The following DTNA variants were observed in gnomAD, a reference collection of about 807,000 sequenced individuals.
The protein encoded by DTNA is dystrobrevin alpha, also known as dystrophin-related protein 3.
A neutral mutation model predicts 100.7 loss-of-function variants in DTNA; 43 were observed. The ratio of observed to expected loss-of-function variants is 0.43; its 90% CI spans 0.33 to 0.55. The LOEUF is 0.55. DTNA is among the 20% of genes least tolerant of loss of function. DTNA has a pLI of 0.04. For synonymous variants in DTNA, 349 were observed against 347.9 expected (o/e 1.00, Z -0.04); for missense variants, 798 against 953.9 (o/e 0.84, Z 2.15).
At chr18:34,589,581 C>T (rs1354666485) in intron 1 of DTNA, among the ~76,000 whole-genome samples, 1 of 152,034 alleles carries the variant, frequency 6.6e-6, no homozygotes, top group Non-Finnish European at 1.5e-5. Context: ...TGTACTCCAG[C>T]CTGAGCAACA....
chr18:34,598,611 T>C (rs960405668), intron 1 of DTNA, among the ~76,000 whole-genome samples: 2 of 152,130 alleles, frequency 1.3e-5, no homozygotes, highest in Admixed American at 1.3e-4. Context: ...ACGCCTGTAA[T>C]TGAGCACTTT....
Position 34,619,069 on chromosome 18 carries a change from A to C in DTNA, c.-2+125555A>C, listed in dbSNP as rs560147245. 1.8e-4 allele frequency among the ~76,000 whole-genome samples: 27 copies of C among 152,338 alleles called. 1 individual carries two copies. The highest frequency in any genetic ancestry group is 1.3e-3 in the East Asian group (7 of 5,196). On this transcript the variant is annotated intron_variant, in intron 1 of 19. Coordinates refer to the DTNA transcript ENST00000283365. ...CAGATTTGCGTTTGTGTGTGCATGC[A>C]ATATGAGTGCAAAATAATATTCTGG...
chr18:34,558,538 G>A (rs1405510535), intron 1 of DTNA, among the ~76,000 whole-genome samples: 1 of 152,100 alleles, frequency 6.6e-6, no homozygotes, highest in Non-Finnish European at 1.5e-5. Context: ...ACATTCTACT[G>A]GAGGGAAAAT....
chr18:34,531,476 G>A (rs1337156174), intron 1 of DTNA, among the ~76,000 whole-genome samples: 1 of 152,082 alleles, frequency 6.6e-6, no homozygotes, highest in Admixed American at 6.5e-5. Context: ...GAAAGCAAAA[G>A]TATTTTACTC....
At chr18:34,585,495 A>G (rs28390214) in intron 1 of DTNA, among the ~76,000 whole-genome samples, 15,629 of 152,148 alleles carry the variant, frequency 0.1, 1,157 homozygotes, top group African/African-American at 0.21. Context: ...CCTAATTAGT[A>G]GTTTATCTAA....
At chr18:34,542,532 G>A (rs1218388666) in intron 1 of DTNA, among the ~76,000 whole-genome samples, 1 of 151,992 alleles carries the variant, frequency 6.6e-6, no homozygotes, top group Non-Finnish European at 1.5e-5. Context: ...AGTCTACACT[G>A]CCAAAGTGTT....
intron 1 of DTNA, among the ~76,000 whole-genome samples, chr18:34,508,290 G>A (rs565112099): frequency 6.6e-6 from 1 of 152,268 alleles, no homozygotes; most frequent in African/African-American, 2.4e-5. Context: ...CTTTTTAGGA[G>A]ATCTTGTCAC....
At chr18:34,510,362 C>T (rs2040938237) in intron 1 of DTNA, among the ~76,000 whole-genome samples, 1 of 151,826 alleles carries the variant, frequency 6.6e-6, no homozygotes, top group African/African-American at 2.4e-5. Flanking sequence ...GTTGGATGGT[C>T]ATGAAAGGAG....
intron 1 of DTNA, among the ~76,000 whole-genome samples, chr18:34,520,549 G>A (rs2042055526): frequency 6.6e-6 from 1 of 152,096 alleles, no homozygotes; most frequent in South Asian, 2.1e-4. Flanking sequence ...AGCTACTAGG[G>A]AGACTGAGAC....
chr18:34,779,708 A>G (rs2094230039), intron 3 of DTNA, among the ~76,000 whole-genome samples: 1 of 152,206 alleles, frequency 6.6e-6, no homozygotes. Flanking sequence ...CCTCAGGAAC[A>G]GTTAGATGTG....
At position 34,642,485 on chromosome 18, in the gene DTNA, TTTCCTTCC is replaced by T. The variant is rs60259511; in HGVS notation, c.-1-113476_-1-113469del. Among the ~76,000 whole-genome samples the T allele has an allele frequency of 9.2e-5, 14 of 151,818 alleles. No homozygotes were observed. The South Asian group carries it at 2.7e-3, about 29-fold the overall frequency. ...TCCACTTTACTTCAGGCTGGGTTGC[TTTCCTTCC>T]TTCCTTCCTTCCTTTCTTTCTTTCC... On this transcript the variant is annotated intron_variant, in intron 1 of 19. Coordinates refer to the DTNA transcript ENST00000283365.
Position 34,785,628 on chromosome 18 carries a change from A to G in DTNA, c.149-8409A>G, listed in dbSNP as rs1007114164. The stretch of plus-strand genomic sequence containing the variant: ...CCAGTGTCTCAGTTCATGTTTCTCT[A>G]TAAGAGAATATAAATAGTATGTATA... On this transcript the variant is annotated intron_variant, in intron 3 of 22. Coordinates refer to ENST00000444659, the MANE Select transcript of DTNA (RefSeq NM_001386795.1). Among the ~76,000 whole-genome samples the G allele has an allele frequency of 5.9e-5, 9 of 152,196 alleles. No individual in the cohort carries two copies. The South Asian group carries it at 6.2e-4, about 10-fold the overall frequency.
At chr18:34,887,653 G>C in intron 22 of DTNA, 113 bp from the exon 23 acceptor site, 1 of 750,424 alleles carries the variant, frequency 1.3e-6, no homozygotes, top group Non-Finnish European at 1.6e-6. Flanking sequence ...GTGTGTGTGT[G>C]TGTGCGCGCG....
intron 1 of DTNA, among the ~76,000 whole-genome samples, chr18:34,570,094 G>C (rs1268202462): frequency 1.3e-5 from 2 of 152,096 alleles, no homozygotes; most frequent in Non-Finnish European, 2.9e-5. Context: ...CCTTTCCCTA[G>C]GTGGGAGTTT....
intron 1 of DTNA, among the ~76,000 whole-genome samples, chr18:34,739,724 A>G (rs534229998): frequency 6.6e-6 from 1 of 152,200 alleles, no homozygotes; most frequent in Non-Finnish European, 1.5e-5. Context: ...CAGGACCCCA[A>G]AATGTTAAAT....
intron 17 of DTNA, chr18:34,868,439 C>T (rs2096730992): frequency 1.0e-6 from 1 of 976,452 alleles, no homozygotes; most frequent in Non-Finnish European, 1.2e-6. Context: ...ATAGACTTCT[C>T]ATGGTAAAAC....
intron 1 of DTNA, among the ~76,000 whole-genome samples, chr18:34,672,342 C>T (rs974011654): frequency 6.6e-6 from 1 of 152,132 alleles, no homozygotes; most frequent in Non-Finnish European, 1.5e-5. Flanking sequence ...CAATGAGACT[C>T]ACTGGTTTCT....
At chr18:34,542,614 A>C (rs2044353730) in intron 1 of DTNA, among the ~76,000 whole-genome samples, 2 of 152,038 alleles carry the variant, frequency 1.3e-5, no homozygotes, top group Admixed American at 6.6e-5. Flanking sequence ...TGATTCATTC[A>C]AGTTACTGAA....
At position 34,889,076 on chromosome 18, in the gene DTNA, T is replaced by C; in HGVS notation, c.*1342T>C. ...CTTTAGAGGGCCCTAAAGACCTCCT[T>C]TGGGAATTCTGGGGAAAAAGAAAAA... On this transcript the variant is annotated 3_prime_UTR_variant, in exon 23 of 23. Coordinates refer to ENST00000444659, the MANE Select transcript of DTNA (RefSeq NM_001386795.1). 1 of 985,624 alleles carries C rather than the reference T, an allele frequency of 1.0e-6. No individual in the cohort carries two copies. Among genetic ancestry groups the C allele is most frequent in the African/African-American group, 1.7e-5 (1 of 57,348 alleles). The allele number at this position is 985,624 out of a possible 1,614,324, so 61.1% of individuals were successfully genotyped here. A position where few individuals can be genotyped will look rare whatever the true frequency, so the allele number is the denominator to read the frequency against.
Sources: gnomAD v4.1 joint callset for allele counts (sites outside exome capture counted in the v4.1 genomes callset) on GRCh38, gnomAD v4.1.1 for gene constraint, MANE v1.5 for transcripts, NCBI Gene and HGNC (gene_info 2026-07-23, HGNC 2026-07-21) for gene names.